Variants in ABCC1 observed in about 807,000 individuals in gnomAD.
The protein encoded by ABCC1 is ATP binding cassette subfamily C member 1 (ABCC1 blood group), also known as multidrug resistance-associated protein 1.
In ABCC1, 83 loss-of-function variants were observed where a neutral mutation model predicts 172.9. The observed-to-expected ratio is 0.48, with a 90% confidence interval of 0.40 to 0.58. The LOEUF is 0.58. ABCC1 is among the 20% of genes least tolerant of loss of function. The pLI, the probability that ABCC1 is intolerant of heterozygous loss-of-function variation, is 0.00. For synonymous variants in ABCC1, 937 were observed against 825.2 expected, an observed-to-expected ratio of 1.14 and a Z score of -2.32; for missense variants, 1,817 against 2,002.7, an observed-to-expected ratio of 0.91 and a Z score of 1.77.
intron 9 of ABCC1, among the ~76,000 whole-genome samples, chr16:16,046,634 C>T (rs770512510): frequency 2.0e-5 from 3 of 152,114 alleles, no homozygotes; most frequent in Non-Finnish European, 2.9e-5. Context: ...CATGAGCCAC[C>T]GCGCCCAGCC....
intron 1 of ABCC1, among the ~76,000 whole-genome samples, chr16:15,967,799 C>T (rs1320935843): frequency 6.6e-6 from 1 of 151,224 alleles, no homozygotes; most frequent in Non-Finnish European, 1.5e-5. Flanking sequence ...TGTTTAACTA[C>T]CTAAATCATA....
chr16:16,068,386 C>T, intron 13 of ABCC1, 84 bp downstream of exon 13: 2 of 1,509,560 alleles, frequency 1.3e-6, no homozygotes, highest in Non-Finnish European at 1.8e-6. Context: ...CCGAGCGCAG[C>T]CTCTAGATCA....
At position 15,964,162 on chromosome 16, in the gene ABCC1, C is replaced by T. The variant is rs937172143; in HGVS notation, c.48+14363C>T. Among the ~76,000 whole-genome samples the T allele has an allele frequency of 2.0e-5, 3 of 152,098 alleles. No individual in the cohort carries two copies. In the East Asian group the frequency reaches 5.8e-4, roughly 29 times the overall value. ...TTCACCATGCTGGCTAGACTGGTCT[C>T]GAATTCCTGACCTCAAGTGATCTGC... On this transcript the variant is annotated intron_variant, in intron 1 of 30. Coordinates refer to ENST00000399410, the MANE Select transcript of ABCC1 (RefSeq NM_004996.4).
rs1047704441 is a variant in ABCC1, at chr16:16,104,205, A to G, written c.2735+1488A>G. ...AAGAGTGAAACAATAAAGCTTCCAC[A>G]GTTTGGAAGGGTACCCCAGTAGGTG... On this transcript the variant is annotated intron_variant, in intron 20 of 30. Coordinates refer to ENST00000399410, the MANE Select transcript of ABCC1 (RefSeq NM_004996.4). Among the ~76,000 whole-genome samples the G allele has an allele frequency of 6.6e-5, 10 of 152,280 alleles. No homozygotes were observed. In the South Asian group the frequency reaches 1.0e-3, roughly 16 times the overall value.
rs2045698348 is a variant in ABCC1, at chr16:16,132,062, T to C, written c.3966+127T>C. On this transcript the variant is annotated intron_variant, in intron 27 of 30. Transcript: ENST00000399410. ...TCCACACCTTTGCTTGAATGGCTTT[T>C]TGGGGGGCTGGGAGTGGACTGTGGC... The C allele has an allele frequency of 1.1e-5, 13 of 1,236,132 alleles. No individual in the cohort carries two copies. The South Asian group carries it at 1.9e-4, about 19-fold the overall frequency. 76.6% of individuals were successfully genotyped at this position (1,236,132 alleles called of 1,614,324 possible).
At chr16:16,119,116 C>A (rs117767588) in intron 23 of ABCC1, among the ~76,000 whole-genome samples, 1 of 152,056 alleles carries the variant, frequency 6.6e-6, no homozygotes, top group South Asian at 2.1e-4. Context: ...AGAAGCCAGA[C>A]GAAAAAGAGT....
chr16:16,071,172 C>T (rs762373772), intron 13 of ABCC1, among the ~76,000 whole-genome samples: 11 of 152,090 alleles, frequency 7.2e-5, no homozygotes, highest in Non-Finnish European at 1.5e-4. Context: ...CGACCTCTGC[C>T]TTCCCAGGTT....
chr16:16,132,506 G>GTTTT (rs1567441293), intron 27 of ABCC1, among the ~76,000 whole-genome samples: 20 of 100,972 alleles, frequency 2.0e-4, no homozygotes, highest in African/African-American at 5.3e-4. Flanking sequence ...TTTTTTGGTT[G>GTTTT]GTTGTTTTTT....
At position 16,114,898 on chromosome 16, in the gene ABCC1, A is replaced by T. The variant is rs765093779; in HGVS notation, c.3212A>T (p.Asn1071Ile). Residue 1071 changes from asparagine to isoleucine, a missense_variant, in exon 23 of 31, where the codon AAC becomes ATC. Asn to Ile is a moderately radical substitution (Grantham distance 149). Transcript: ENST00000399410. ...TTCTTTGAGCGGACCCCCAGTGGGA[A>T]CCTGGTGAACCGCTTCTCCAAGGAG... ...MSFFERTPSG[N>I]LVNRFSKELD... is the part of the protein sequence containing the mutation. 1 of 1,613,878 alleles carries T rather than the reference A, an allele frequency of 6.2e-7. No individual in the cohort carries two copies. The highest frequency in any genetic ancestry group is 1.1e-5 in the South Asian group (1 of 91,012).
rs761841248 is a variant in ABCC1, at chr16:16,100,379, C to T, written c.2645-2248C>T. The stretch of plus-strand genomic sequence containing the variant: ...GGTAGGAGAGCGGGGGGGCTCTCTG[C>T]GGCATGCAGCCTCCAGATGGGGGTC... On this transcript the variant is annotated intron_variant, in intron 19 of 30. Transcript: ENST00000399410. Among the ~76,000 whole-genome samples the T allele has an allele frequency of 7.2e-5, 11 of 152,140 alleles. No homozygotes were observed. In the South Asian group the frequency reaches 1.0e-3, roughly 14 times the overall value.
chr16:16,068,575 G>A (rs982865786), intron 13 of ABCC1, among the ~76,000 whole-genome samples: 13 of 152,200 alleles, frequency 8.5e-5, no homozygotes, highest in African/African-American at 2.7e-4. Flanking sequence ...GAAATACTCT[G>A]TTCTCTTCAG....
At chr16:16,120,882 GAC>G in intron 23 of ABCC1, among the ~76,000 whole-genome samples, 1 of 152,198 alleles carries the variant, frequency 6.6e-6, no homozygotes, top group East Asian at 1.9e-4. Context: ...CCATTGCATG[GAC>G]ACAGTCACTC....
At chr16:16,047,022 C>T (rs1186050749) in intron 9 of ABCC1, among the ~76,000 whole-genome samples, 3 of 151,942 alleles carry the variant, frequency 2.0e-5, no homozygotes, top group Non-Finnish European at 4.4e-5. Context: ...ATAGCAAGAC[C>T]CTGGCTCTGC....
chr16:15,962,348 A>G (rs2151503873), intron 1 of ABCC1, among the ~76,000 whole-genome samples: 1 of 152,358 alleles, frequency 6.6e-6, no homozygotes, highest in South Asian at 2.1e-4. Flanking sequence ...TCACCATGCT[A>G]ATGTCACTCT....
intron 1 of ABCC1, among the ~76,000 whole-genome samples, chr16:15,991,459 C>T (rs1441077827): frequency 1.3e-5 from 2 of 152,102 alleles, no homozygotes; most frequent in Admixed American, 6.5e-5. Context: ...CCAGCGAGCT[C>T]AGGGTTGAGT....
chr16:15,950,611 A>C (rs375253219), intron 1 of ABCC1, among the ~76,000 whole-genome samples: 1 of 152,126 alleles, frequency 6.6e-6, no homozygotes, highest in South Asian at 2.1e-4. Context: ...TCTGGAGTCC[A>C]CTTGCTGTGG....
chr16:15,983,552 C>CTGT, intron 1 of ABCC1, among the ~76,000 whole-genome samples: 1 of 126,530 alleles, frequency 7.9e-6, no homozygotes, highest in South Asian at 2.5e-4. Flanking sequence ...GTACACCACA[C>CTGT]TTTTTTTTTT....
intron 19 of ABCC1, chr16:16,097,858 G>A (rs1200527389): frequency 1.3e-5 from 2 of 152,328 alleles, no homozygotes; most frequent in African/African-American, 4.8e-5. Context: ...TGTGCATCTT[G>A]TGTAACTGCA....
At chr16:16,124,401 GTGTGTGTGTA>G (rs1216959973) in intron 24 of ABCC1, among the ~76,000 whole-genome samples, 2 of 35,562 alleles carry the variant, frequency 5.6e-5, no homozygotes, top group Admixed American at 8.5e-4. Context: ...GTGTGTGTGT[GTGTGTGTGTA>G]TGTGTGTGTG....
Sources: allele counts gnomAD v4.1 joint callset (sites outside exome capture counted in the v4.1 genomes callset), GRCh38; gene constraint gnomAD v4.1.1; transcripts MANE v1.5; gene names NCBI Gene and HGNC (gene_info 2026-07-23, HGNC 2026-07-21).